The following DENND1B variants were observed in gnomAD, a reference collection of about 807,000 sequenced individuals.
DENND1B encodes DENN domain containing 1B.
In DENND1B, 59 loss-of-function variants were observed where a neutral mutation model predicts 90.1. The ratio of observed to expected loss-of-function variants is 0.65; its 90% CI spans 0.53 to 0.81. DENND1B has a LOEUF of 0.81. Ranked by LOEUF, DENND1B falls within the 40% of genes least tolerant of loss-of-function variation. The pLI, the probability that DENND1B is intolerant of heterozygous loss-of-function variation, is 0.00. For missense variants in DENND1B, 862 were observed against 912.6 expected, an observed-to-expected ratio of 0.94 and a Z score of 0.71; for synonymous variants, 337 against 324.6, an observed-to-expected ratio of 1.04 and a Z score of -0.41.
chr1:197,607,227 T>G, intron 12 of DENND1B, 53 bp from the exon 13 acceptor site: 1 of 1,242,986 alleles, frequency 8.0e-7, no homozygotes, highest in Non-Finnish European at 1.1e-6. Flanking sequence ...CTTTACAAAG[T>G]TATGATGAGT....
chr1:197,773,068 A>T (rs1303393042), intron 1 of DENND1B, 136 bp from the exon 2 acceptor site: 3 of 751,616 alleles, frequency 4.0e-6, no homozygotes, highest in Non-Finnish European at 6.8e-6. Context: ...AGTATAGTAG[A>T]AATAACAATG....
At chr1:197,539,934 G>T in intron 20 of DENND1B, 30 bp downstream of exon 20, 2 of 1,455,514 alleles carry the variant, frequency 1.4e-6, no homozygotes, top group Non-Finnish European at 1.9e-6. Flanking sequence ...TGAGAATGTG[G>T]GGGAATGAAG....
At chr1:197,714,378 A>C (rs1369868807) in intron 3 of DENND1B, among the ~76,000 whole-genome samples, 11 of 152,152 alleles carry the variant, frequency 7.2e-5, no homozygotes, top group Admixed American at 2.6e-4. Context: ...TCTATAACAT[A>C]AAGTTTAAAT....
At chr1:197,690,579 G>A in intron 3 of DENND1B, 1 of 239,096 alleles carries the variant, frequency 4.2e-6, no homozygotes, top group Non-Finnish European at 8.2e-6. Context: ...GGACAAGAGG[G>A]CTGCTAGAGT....
intron 10 of DENND1B, among the ~76,000 whole-genome samples, chr1:197,640,003 A>G (rs891966403): frequency 6.6e-6 from 1 of 152,216 alleles, no homozygotes; most frequent in Admixed American, 6.5e-5. Context: ...TGACATCACC[A>G]TCAAGTTTTC....
intron 6 of DENND1B, among the ~76,000 whole-genome samples, chr1:197,654,822 A>G (rs2125942466): frequency 6.6e-6 from 1 of 152,234 alleles, no homozygotes; most frequent in East Asian, 1.9e-4. Flanking sequence ...AAAATCATTA[A>G]TTTTTATTCT....
At chr1:197,568,254 T>G (rs1553290617) in intron 15 of DENND1B, among the ~76,000 whole-genome samples, 1 of 151,926 alleles carries the variant, frequency 6.6e-6, no homozygotes. Flanking sequence ...AAATTTACAA[T>G]AGCATAAAAA....
chr1:197,536,138 T>TAGAGAGAG (rs1558211727), intron 20 of DENND1B, among the ~76,000 whole-genome samples: 1 of 88,878 alleles, frequency 1.1e-5, no homozygotes. Flanking sequence ...GAGAGAGAGA[T>TAGAGAGAG]TGAGAGAGAG....
At chr1:197,597,967 T>C (rs140937425) in intron 13 of DENND1B, among the ~76,000 whole-genome samples, 81 of 151,998 alleles carry the variant, frequency 5.3e-4, no homozygotes, top group African/African-American at 1.9e-3. Flanking sequence ...TATTTAGGTA[T>C]AGGGTTAAAT....
At chr1:197,695,313 G>A (rs916698837) in intron 3 of DENND1B, among the ~76,000 whole-genome samples, 5 of 150,772 alleles carry the variant, frequency 3.3e-5, no homozygotes, top group African/African-American at 1.2e-4. Context: ...TAGTATATTG[G>A]TATAGTGGTT....
chr1:197,777,739 A>C (rs531988517), upstream of DENND1B, among the ~76,000 whole-genome samples: 1 of 152,316 alleles, frequency 6.6e-6, no homozygotes, highest in South Asian at 2.1e-4. Context: ...ATACCAGTCA[A>C]AGAACATAGT....
chr1:197,664,855 G>T (rs993317114), intron 5 of DENND1B, among the ~76,000 whole-genome samples: 3 of 152,008 alleles, frequency 2.0e-5, no homozygotes, highest in African/African-American at 7.2e-5. Context: ...GAGTTAAAGG[G>T]GGGAGGGGGA....
chr1:197,585,870 CTT>C (rs1291414431), intron 14 of DENND1B, among the ~76,000 whole-genome samples: 2 of 152,142 alleles, frequency 1.3e-5, no homozygotes, highest in South Asian at 2.1e-4. Context: ...ATAAATGACT[CTT>C]GAGTATGAGT....
At chr1:197,539,331 T>A (rs578200055) in intron 20 of DENND1B, among the ~76,000 whole-genome samples, 1 of 152,336 alleles carries the variant, frequency 6.6e-6, no homozygotes, top group East Asian at 1.9e-4. Flanking sequence ...TCAAGAATTC[T>A]TTTTTGAAGC....
At chr1:197,574,025 T>C (rs1042816785) in intron 15 of DENND1B, among the ~76,000 whole-genome samples, 6 of 152,208 alleles carry the variant, frequency 3.9e-5, no homozygotes, top group Non-Finnish European at 8.8e-5. Context: ...GCATTCCCTC[T>C]GAAAACCAGT....
In DENND1B at chr1:197,622,040, A is replaced by G. The variant is rs146629048; in HGVS notation, c.673-4281T>C. Reference sequence around the variant, plus strand: ...ATAAGTATATATGGGAATCATGAGAAGGGACAAGAACTAATGCCTGTGAAA... The same window carrying G: ...ATAAGTATATATGGGAATCATGAGAGGGGACAAGAACTAATGCCTGTGAAA... On this transcript the variant is annotated intron_variant, in intron 10 of 22. Coordinates refer to ENST00000620048, the MANE Select transcript of DENND1B (RefSeq NM_001195215.2). Among the ~76,000 whole-genome samples the G allele has an allele frequency of 2.9e-3, 440 of 151,488 alleles. 1 individual carries two copies. The highest frequency in any genetic ancestry group is 0.01 in the African/African-American group (426 of 41,440).
chr1:197,772,668 T>C (rs1656768006), intron 2 of DENND1B, among the ~76,000 whole-genome samples, 200 bp downstream of exon 2: 1 of 151,900 alleles, frequency 6.6e-6, no homozygotes. Context: ...CAAAAAAATA[T>C]ACAAAAATTA....
intron 13 of DENND1B, among the ~76,000 whole-genome samples, chr1:197,597,045 A>G (rs1675764994): frequency 6.6e-6 from 1 of 151,886 alleles, no homozygotes. Flanking sequence ...GATCTTTTCA[A>G]TTTATATCCA....
chr1:197,743,182 T>G (rs1018777761), intron 2 of DENND1B, among the ~76,000 whole-genome samples: 4 of 152,270 alleles, frequency 2.6e-5, no homozygotes, highest in Admixed American at 2.6e-4. Context: ...ACAGTCTCCA[T>G]CCCAAGCAGA....
Sources: gnomAD v4.1 joint callset for allele counts (sites outside exome capture counted in the v4.1 genomes callset) on GRCh38, gnomAD v4.1.1 for gene constraint, MANE v1.5 for transcripts, NCBI Gene and HGNC (gene_info 2026-07-23, HGNC 2026-07-21) for gene names.